Variants in ZCWPW2 observed in about 807,000 individuals in gnomAD.
ZCWPW2 encodes zinc finger CW-type PWWP domain protein 2.
Under a neutral mutation model 46.6 loss-of-function variants are expected in ZCWPW2, and 45 were observed. That is an observed-to-expected ratio of 0.96 (90% CI 0.76 to 1.24). The LOEUF (loss-of-function observed/expected upper bound fraction) is 1.24, where lower values mean the gene tolerates loss of function less well. Among genes scored for constraint, ZCWPW2 ranks in the 50% most tolerant of loss-of-function variants. The pLI, the probability that ZCWPW2 is intolerant of heterozygous loss-of-function variation, is 0.00. For synonymous variants in ZCWPW2, 152 were observed against 137.1 expected, an observed-to-expected ratio of 1.11 and a Z score of -0.76; for missense variants, 429 against 403.9, an observed-to-expected ratio of 1.06 and a Z score of -0.53.
intron 4 of ZCWPW2, among the ~76,000 whole-genome samples, chr3:28,468,962 A>G (rs1598846): frequency 0.22 from 33,712 of 152,088 alleles, 4,280 homozygotes; most frequent in Middle Eastern, 0.29. Context: ...ACTGCTCTTC[A>G]GTGGAAAGAC....
chr3:28,432,185 A>G (rs1697287469), intron 3 of ZCWPW2, among the ~76,000 whole-genome samples: 1 of 152,180 alleles, frequency 6.6e-6, no homozygotes, highest in Non-Finnish European at 1.5e-5. Context: ...TGTCTGGTTT[A>G]TGGCAAAACC....
chr3:28,400,632 T>A (rs1391341961), intron 2 of ZCWPW2, among the ~76,000 whole-genome samples: 3 of 152,198 alleles, frequency 2.0e-5, no homozygotes, highest in Non-Finnish European at 4.4e-5. Context: ...TGGGGCCCTA[T>A]CTTCAGCCTC....
At chr3:28,447,906 T>TA (rs1200738326) in intron 4 of ZCWPW2, 1 of 830,486 alleles carries the variant, frequency 1.2e-6, no homozygotes, top group Non-Finnish European at 2.0e-6. Flanking sequence ...CTGTGAGGCC[T>TA]AAAGTTCTTA....
intron 8 of ZCWPW2, among the ~76,000 whole-genome samples, chr3:28,516,252 T>C (rs1700566002): frequency 1.6e-5 from 2 of 128,710 alleles, no homozygotes; most frequent in Non-Finnish European, 3.2e-5. Flanking sequence ...CAAGATTCCC[T>C]CTCAATAAAT....
intron 1 of ZCWPW2, among the ~76,000 whole-genome samples, chr3:28,354,218 T>C (rs1233440987): frequency 6.6e-6 from 1 of 152,018 alleles, no homozygotes; most frequent in East Asian, 1.9e-4. Context: ...CAGAGAATAT[T>C]ATAAACACCT....
Position 28,478,831 on chromosome 3 carries a change from T to G in ZCWPW2, c.510T>G (p.Asn170Lys), listed in dbSNP as rs374171786. The change falls in exon 5 of 10, where the codon AAT becomes AAG. Residue 170 changes from asparagine (N) to lysine (K), a missense_variant. Physicochemically the swap from Asn to Lys is moderately conservative, Grantham distance 94. Transcript: ENST00000383768. ...SITLKPEKCK[N>K]KKKWYKSALQ... ...TTATATAGCCAGAAAAGTGTAAGAATAAAAAGAAGTGGTATAAAAGTGCAC... is the reference window on the plus strand; with the variant it reads ...TTATATAGCCAGAAAAGTGTAAGAAGAAAAAGAAGTGGTATAAAAGTGCAC... 24 of 1,551,138 alleles carry G rather than the reference T, an allele frequency of 1.5e-5. No individual in the cohort carries two copies. The African/African-American group carries it at 2.1e-4, about 13-fold the overall frequency.
At chr3:28,478,373 A>G (rs1174684857) in intron 4 of ZCWPW2, 1 of 257,222 alleles carries the variant, frequency 3.9e-6, no homozygotes, top group South Asian at 3.5e-5. Context: ...CCTCCCAAGT[A>G]GCTGGGAATT....
intron 2 of ZCWPW2, among the ~76,000 whole-genome samples, chr3:28,400,719 C>G (rs1409197493): frequency 6.6e-6 from 1 of 152,166 alleles, no homozygotes; most frequent in Non-Finnish European, 1.5e-5. Flanking sequence ...AAGATACAGT[C>G]TTTTTCATAC....
At chr3:28,479,177 T>C (rs1013664105) in intron 5 of ZCWPW2, among the ~76,000 whole-genome samples, 3 of 152,218 alleles carry the variant, frequency 2.0e-5, no homozygotes, top group Non-Finnish European at 4.4e-5. Flanking sequence ...ACTTTTGTTA[T>C]CTATCTTCTT....
Position 28,490,905 on chromosome 3 carries a change from AT to A in ZCWPW2, c.611-1216del, listed in dbSNP as rs569738151. 1.0e-3 allele frequency among the ~76,000 whole-genome samples: 156 copies of A among 152,260 alleles called. 2 individuals are homozygous for A. Among genetic ancestry groups the A allele is most frequent in the Middle Eastern group, 6.8e-3 (2 of 294 alleles). On this transcript the variant is annotated intron_variant, in intron 5 of 9. Transcript: ENST00000383768. ...TTATTTTAATTAATAAATTACATTA[AT>A]TTTTTAAGGTAAAATGTATATTTCA...
At chr3:28,431,672 T>C (rs1482577411) in intron 3 of ZCWPW2, among the ~76,000 whole-genome samples, 2 of 152,206 alleles carry the variant, frequency 1.3e-5, no homozygotes, top group Non-Finnish European at 2.9e-5. Context: ...GATGTCACTT[T>C]ACAATTTTTT....
chr3:28,515,828 A>T (rs1388679830), intron 8 of ZCWPW2, among the ~76,000 whole-genome samples: 1 of 151,900 alleles, frequency 6.6e-6, no homozygotes, highest in Non-Finnish European at 1.5e-5. Context: ...CATATATATG[A>T]GAAATATTAA....
intron 5 of ZCWPW2, among the ~76,000 whole-genome samples, chr3:28,489,668 G>GCACACA (rs1209352772): frequency 1.7e-3 from 66 of 39,584 alleles, no homozygotes; most frequent in South Asian, 4.9e-3. Context: ...ACACACGCGC[G>GCACACA]CACACACACA....
In ZCWPW2 at chr3:28,392,595, G is replaced by A. The variant is rs537871433; in HGVS notation, c.-14+1978G>A. Among the ~76,000 whole-genome samples, 6 of 152,190 alleles carry A rather than the reference G, an allele frequency of 3.9e-5. No individual in the cohort carries two copies. In the South Asian group the frequency reaches 1.2e-3, roughly 32 times the overall value. ...ATAAAACGAGTCTTAACAAATTTAG[G>A]AAGATTGAAATCATATAATTTCTGA... On this transcript the variant is annotated intron_variant, in intron 2 of 9. Coordinates refer to ENST00000383768, the MANE Select transcript of ZCWPW2 (RefSeq NM_001040432.4).
At chr3:28,432,521 C>A (rs1001351730) in intron 3 of ZCWPW2, among the ~76,000 whole-genome samples, 1 of 152,220 alleles carries the variant, frequency 6.6e-6, no homozygotes, top group Non-Finnish European at 1.5e-5. Context: ...AGCTTACTGA[C>A]CTTATTTGCT....
intron 4 of ZCWPW2, among the ~76,000 whole-genome samples, chr3:28,450,930 T>C (rs1490301599): frequency 2.0e-5 from 3 of 152,248 alleles, no homozygotes. Flanking sequence ...TCTGCCTTCC[T>C]GCTGCAAAAT....
At chr3:28,521,912 G>C (rs1700734502) in intron 9 of ZCWPW2, among the ~76,000 whole-genome samples, 1 of 152,154 alleles carries the variant, frequency 6.6e-6, no homozygotes, top group African/African-American at 2.4e-5. Flanking sequence ...CACTGACTCT[G>C]AAATATAATC....
intron 3 of ZCWPW2, among the ~76,000 whole-genome samples, chr3:28,434,435 AT>A (rs1231090034): frequency 1.3e-5 from 2 of 152,252 alleles, no homozygotes; most frequent in African/African-American, 4.8e-5. Context: ...ATATCAATAA[AT>A]TTGTAGAGGT....
intron 4 of ZCWPW2, among the ~76,000 whole-genome samples, chr3:28,462,374 A>G (rs1406399574): frequency 6.6e-6 from 1 of 152,202 alleles, no homozygotes; most frequent in East Asian, 1.9e-4. Context: ...TGGGCTGCCT[A>G]ACTTCGAGGG....
Sources: allele counts gnomAD v4.1 joint callset (sites outside exome capture counted in the v4.1 genomes callset), GRCh38; gene constraint gnomAD v4.1.1; transcripts MANE v1.5; gene names NCBI Gene and HGNC (gene_info 2026-07-23, HGNC 2026-07-21).